ZNF420: variants seen among roughly 807,000 people sequenced by gnomAD.
ZNF420 encodes the protein zinc finger protein 420, also known as ATM and p53-associated KZNF protein.
In ZNF420, 31 loss-of-function variants were observed where a neutral mutation model predicts 44.7. That is an observed-to-expected ratio of 0.69 (90% CI 0.52 to 0.94). The LOEUF (loss-of-function observed/expected upper bound fraction) is 0.94. ZNF420 is among the 40% of genes least tolerant of loss of function. The pLI, the probability that ZNF420 is intolerant of heterozygous loss-of-function variation, is 0.00. For missense variants in ZNF420, 681 were observed against 827.9 expected, an observed-to-expected ratio of 0.82 and a Z score of 2.18; for synonymous variants, 245 against 267.4, an observed-to-expected ratio of 0.92 and a Z score of 0.82.
chr19:37,082,905 A>C (rs2146495015), intron 2 of ZNF420, among the ~76,000 whole-genome samples: 1 of 152,346 alleles, frequency 6.6e-6, no homozygotes, highest in South Asian at 2.1e-4. Flanking sequence ...TATATCTAAA[A>C]TCAAAAGTAC....
At chr19:37,081,932 T>C (rs1968488720) in intron 2 of ZNF420, among the ~76,000 whole-genome samples, 1 of 152,100 alleles carries the variant, frequency 6.6e-6, no homozygotes, top group South Asian at 2.1e-4. Flanking sequence ...CCTTTATCAT[T>C]AGGAAATGGT....
intron 4 of ZNF420, among the ~76,000 whole-genome samples, chr19:37,094,884 G>A (rs1026645572): frequency 6.6e-6 from 1 of 152,160 alleles, no homozygotes; most frequent in African/African-American, 2.4e-5. Context: ...TGTAATCCCA[G>A]CACTTTGGGA....
At chr19:37,092,139 G>A (rs933943935) in intron 4 of ZNF420, 1 of 151,986 alleles carries the variant, frequency 6.6e-6, no homozygotes, top group Admixed American at 6.6e-5. Flanking sequence ...TCCTTGTGCT[G>A]GAATAAACTG....
At chr19:37,020,272 C>A (rs931005450) in intron 1 of ZNF420, among the ~76,000 whole-genome samples, 10 of 151,482 alleles carry the variant, frequency 6.6e-5, no homozygotes, top group African/African-American at 1.9e-4. Flanking sequence ...TAAATCCAGC[C>A]CAAAAACACA....
At chr19:37,048,661 A>T (rs1367824454) in intron 1 of ZNF420, among the ~76,000 whole-genome samples, 1 of 151,524 alleles carries the variant, frequency 6.6e-6, no homozygotes, top group Non-Finnish European at 1.5e-5. Context: ...ATGAGAGTGG[A>T]CTCCTATTGG....
chr19:37,106,016 CCTTT>C (rs1200101583), intron 4 of ZNF420, among the ~76,000 whole-genome samples: 5 of 152,100 alleles, frequency 3.3e-5, no homozygotes, highest in South Asian at 4.1e-4. Context: ...AATTGAATAC[CCTTT>C]CTTTCTTTCT....
chr19:37,008,768 C>G (rs2074547376), intron 1 of ZNF420, among the ~76,000 whole-genome samples: 1 of 152,212 alleles, frequency 6.6e-6, no homozygotes, highest in Non-Finnish European at 1.5e-5. Flanking sequence ...TGCCTGGGCT[C>G]TGGCCTCTGC....
intron 4 of ZNF420, among the ~76,000 whole-genome samples, chr19:37,126,232 G>A (rs1478034036): frequency 6.6e-6 from 1 of 152,058 alleles, no homozygotes; most frequent in African/African-American, 2.4e-5. Flanking sequence ...AAGATTTAGG[G>A]GCTGATAATT....
intron 4 of ZNF420, among the ~76,000 whole-genome samples, chr19:37,117,908 AGAG>A (rs1328542700): frequency 6.6e-6 from 1 of 152,204 alleles, no homozygotes; most frequent in Non-Finnish European, 1.5e-5. Flanking sequence ...TGAAGCAAGA[AGAG>A]AAGTTTAGAG....
intron 2 of ZNF420, among the ~76,000 whole-genome samples, chr19:37,085,802 G>A (rs7259513): frequency 0.33 from 48,672 of 149,164 alleles, 8,109 homozygotes; most frequent in Non-Finnish European, 0.35. Flanking sequence ...TTGCTCTGTC[G>A]CCCAGACTGG....
intron 4 of ZNF420, among the ~76,000 whole-genome samples, chr19:37,114,530 A>G (rs543091611): frequency 5.7e-4 from 87 of 152,294 alleles, no homozygotes; most frequent in Middle Eastern, 3.4e-3. Flanking sequence ...GGAGTTGGCC[A>G]TCGTGGTTTA....
intron 1 of ZNF420, among the ~76,000 whole-genome samples, chr19:37,020,216 C>CA (rs376616699): frequency 0.03 from 2,927 of 98,674 alleles, 116 homozygotes; most frequent in African/African-American, 0.071. Flanking sequence ...GACTCCGTCT[C>CA]AAAAAAAAAA....
rs192961195 is a variant in ZNF420, at chr19:37,010,161, C to T, written c.-125+2079C>T. 2.0e-3 allele frequency among the ~76,000 whole-genome samples: 312 copies of T among 152,318 alleles called. 3 individuals are homozygous for T. Among genetic ancestry groups the T allele is most frequent in the African/African-American group, 7.3e-3 (304 of 41,574 alleles). Reference sequence around the variant, plus strand: ...CCCTGAGGCTTGGCAAAGCAGGAGCCCTCCGTGGCAGTGCTTGGGTGTCCG... The same window carrying T: ...CCCTGAGGCTTGGCAAAGCAGGAGCTCTCCGTGGCAGTGCTTGGGTGTCCG... On this transcript the variant is annotated intron_variant, in intron 1 of 4. Coordinates refer to the ZNF420 transcript ENST00000587029.
At chr19:37,087,911 C>T (rs1968919721) in intron 2 of ZNF420, among the ~76,000 whole-genome samples, 1 of 152,218 alleles carries the variant, frequency 6.6e-6, no homozygotes, top group Admixed American at 6.5e-5. Context: ...TCCCAAAGTG[C>T]TGGGATTACA....
intron 1 of ZNF420, among the ~76,000 whole-genome samples, chr19:37,065,959 A>C (rs1430828385): frequency 1.3e-5 from 2 of 152,234 alleles, no homozygotes. Flanking sequence ...CATAAATCCT[A>C]GAACTAATAT....
chr19:37,090,799 A>C (rs1039611464), intron 3 of ZNF420, among the ~76,000 whole-genome samples, 196 bp from the exon 4 acceptor site: 15 of 151,730 alleles, frequency 9.9e-5, no homozygotes, highest in Non-Finnish European at 2.1e-4. Context: ...AGGTGCCTGT[A>C]ATCCCAGCTA....
At chr19:37,027,622 T>C (rs1967180950) in intron 1 of ZNF420, among the ~76,000 whole-genome samples, 1 of 152,216 alleles carries the variant, frequency 6.6e-6, no homozygotes, top group African/African-American at 2.4e-5. Flanking sequence ...CTTTTTATAA[T>C]ACCATCTGCC....
chr19:37,039,279 G>A (rs1967411797), intron 1 of ZNF420, among the ~76,000 whole-genome samples: 1 of 152,218 alleles, frequency 6.6e-6, no homozygotes, highest in East Asian at 1.9e-4. Flanking sequence ...TCCATCAAAG[G>A]AATCATGATC....
intron 4 of ZNF420, among the ~76,000 whole-genome samples, chr19:37,104,191 A>G (rs983622277): frequency 1.5e-4 from 21 of 137,906 alleles, no homozygotes; most frequent in Admixed American, 1.5e-3. Flanking sequence ...CCTGTGTCCA[A>G]GTGTTCTCAT....
Sources: gnomAD v4.1 joint callset for allele counts (sites outside exome capture counted in the v4.1 genomes callset) on GRCh38, gnomAD v4.1.1 for gene constraint, MANE v1.5 for transcripts, NCBI Gene and HGNC (gene_info 2026-07-23, HGNC 2026-07-21) for gene names.